COL21A1: variants seen among roughly 807,000 people sequenced by gnomAD.
COL21A1 encodes the protein collagen alpha-1(XXI) chain.
A neutral mutation model predicts 137.9 loss-of-function variants in COL21A1; 149 were observed. The ratio of observed to expected loss-of-function variants is 1.08; its 90% CI spans 0.95 to 1.24. The LOEUF (loss-of-function observed/expected upper bound fraction) is 1.24. COL21A1 is among the 50% of genes most tolerant of loss of function. The probability of loss-of-function intolerance (pLI) is 0.00; values close to 1 mark genes in which losing one functional copy is unlikely to be tolerated. For missense variants in COL21A1, 1,167 were observed against 1,158.4 expected (o/e 1.01, Z -0.11); for synonymous variants, 456 against 391.5 (o/e 1.16, Z -1.95).
chr6:56,059,109 G>C, intron 29 of COL21A1, 56 bp downstream of exon 29: 1 of 1,321,630 alleles, frequency 7.6e-7, no homozygotes, highest in East Asian at 2.3e-5. Context: ...GATCTATGAT[G>C]ACTTTTCTTA....
intron 1 of COL21A1, among the ~76,000 whole-genome samples, chr6:56,327,926 C>A (rs1267865759): frequency 6.6e-6 from 1 of 152,042 alleles, no homozygotes; most frequent in Non-Finnish European, 1.5e-5. Context: ...AGAAAAGTCA[C>A]TCTGAGAAAT....
intron 16 of COL21A1, among the ~76,000 whole-genome samples, chr6:56,108,429 CAAATAA>C (rs1173984901): frequency 6.6e-6 from 1 of 151,402 alleles, no homozygotes; most frequent in Non-Finnish European, 1.5e-5. Context: ...GTGCAGCAAG[CAAATAA>C]AAATAAAAAG....
chr6:56,227,912 T>G (rs1031350860), intron 1 of COL21A1, among the ~76,000 whole-genome samples: 4 of 152,020 alleles, frequency 2.6e-5, no homozygotes, highest in African/African-American at 9.7e-5. Context: ...GGAAGTAAAG[T>G]TCATCTGTGA....
intron 1 of COL21A1, among the ~76,000 whole-genome samples, chr6:56,278,984 T>C (rs1763733509): frequency 1.3e-5 from 2 of 152,190 alleles, no homozygotes. Flanking sequence ...GCTTGTGATA[T>C]GTTTGGATCT....
intron 17 of COL21A1, among the ~76,000 whole-genome samples, chr6:56,099,394 G>A (rs1444038160): frequency 1.3e-5 from 2 of 151,106 alleles, no homozygotes; most frequent in African/African-American, 4.9e-5. Context: ...CCGCCACCAC[G>A]CCTGGCTAAT....
Position 56,060,809 on chromosome 6 carries a change from T to A in COL21A1, c.2353-14A>T. The stretch of plus-strand genomic sequence containing the variant: ...AAACTCTCTTCCCTGCATCAAAGTG[T>A]TAGGGGTTATAACATGCACATAAAG... On this transcript the variant is annotated splice_polypyrimidine_tract_variant and intron_variant, in intron 26 of 29. Coordinates refer to ENST00000244728, the MANE Select transcript of COL21A1 (RefSeq NM_030820.4). The A allele has an allele frequency of 1.2e-6, 2 of 1,603,232 alleles. No homozygotes were observed. The highest frequency in any genetic ancestry group is 1.7e-6 in the Non-Finnish European group (2 of 1,177,006).
At chr6:56,263,732 C>G (rs1343901568) in intron 1 of COL21A1, among the ~76,000 whole-genome samples, 1 of 152,168 alleles carries the variant, frequency 6.6e-6, no homozygotes, top group African/African-American at 2.4e-5. Flanking sequence ...TGTTGTTACC[C>G]AAGACTCTAT....
chr6:56,167,988 A>G (rs1182344880), intron 6 of COL21A1, 136 bp downstream of exon 6: 6 of 536,640 alleles, frequency 1.1e-5, no homozygotes, highest in Non-Finnish European at 1.9e-5. Flanking sequence ...TCACTAATGA[A>G]CTGACCACAT....
chr6:56,302,869 C>T (rs28832660), intron 1 of COL21A1, among the ~76,000 whole-genome samples: 127,822 of 151,592 alleles, frequency 0.84, 55,861 homozygotes, highest in South Asian at 0.97. Flanking sequence ...TTAGGTCTAA[C>T]ATTTAAGTCT....
chr6:56,117,091 T>C (rs1419379203), intron 16 of COL21A1, among the ~76,000 whole-genome samples: 1 of 152,040 alleles, frequency 6.6e-6, no homozygotes, highest in Non-Finnish European at 1.5e-5. Context: ...GAGTAGGTCC[T>C]TACTTATAAA....
At chr6:56,194,801 G>T (rs148078280) in intron 1 of COL21A1, among the ~76,000 whole-genome samples, 6 of 148,524 alleles carry the variant, frequency 4.0e-5, no homozygotes, top group Middle Eastern at 3.4e-3. Flanking sequence ...TAGATGAAGG[G>T]TCTTCATTTT....
chr6:56,356,610 T>A (rs1030588948), intron 1 of COL21A1, among the ~76,000 whole-genome samples: 1 of 152,232 alleles, frequency 6.6e-6, no homozygotes, highest in Admixed American at 6.5e-5. Context: ...GCAGGCAGCT[T>A]AAATTCCTTA....
At chr6:56,301,392 T>C (rs1351784611) in intron 1 of COL21A1, among the ~76,000 whole-genome samples, 1 of 152,136 alleles carries the variant, frequency 6.6e-6, no homozygotes, top group African/African-American at 2.4e-5. Flanking sequence ...AGGAAATGGA[T>C]TCCTCTGGAG....
At chr6:56,303,954 T>A (rs955565686) in intron 1 of COL21A1, among the ~76,000 whole-genome samples, 3 of 152,204 alleles carry the variant, frequency 2.0e-5, no homozygotes, top group Non-Finnish European at 4.4e-5. Flanking sequence ...GTTGTTGAGT[T>A]TTGTCAAAGG....
intron 1 of COL21A1, among the ~76,000 whole-genome samples, chr6:56,265,942 G>A (rs4715603): frequency 0.24 from 36,927 of 151,932 alleles, 5,807 homozygotes; most frequent in East Asian, 0.67. Context: ...ATACACATTC[G>A]CAACTAAAGT....
At chr6:56,204,085 T>C (rs1779586832) in intron 1 of COL21A1, among the ~76,000 whole-genome samples, 1 of 151,852 alleles carries the variant, frequency 6.6e-6, no homozygotes, top group Admixed American at 6.6e-5. Flanking sequence ...TTTTTGTTTG[T>C]TTTTGTTTTT....
chr6:56,309,883 G>C (rs1442455716), intron 1 of COL21A1, among the ~76,000 whole-genome samples: 1 of 152,164 alleles, frequency 6.6e-6, no homozygotes, highest in Non-Finnish European at 1.5e-5. Flanking sequence ...TCAATGAAAG[G>C]ACAGATCGAT....
chr6:56,064,236 C>G (rs1203489185), intron 24 of COL21A1, among the ~76,000 whole-genome samples: 1 of 152,006 alleles, frequency 6.6e-6, no homozygotes, highest in African/African-American at 2.4e-5. Flanking sequence ...GACAAACCAG[C>G]AGGGATGAAC....
chr6:56,118,326 A>C (rs780144423), intron 16 of COL21A1, among the ~76,000 whole-genome samples: 3 of 152,034 alleles, frequency 2.0e-5, no homozygotes, highest in African/African-American at 7.2e-5. Context: ...AAATTGGAAA[A>C]TATACATGAA....
Sources: gnomAD v4.1 joint callset for allele counts (sites outside exome capture counted in the v4.1 genomes callset) on GRCh38, gnomAD v4.1.1 for gene constraint, MANE v1.5 for transcripts, NCBI Gene and HGNC (gene_info 2026-07-23, HGNC 2026-07-21) for gene names.